The following ZNF20 variants were observed in gnomAD, a reference collection of about 807,000 sequenced individuals.
The protein encoded by ZNF20 is zinc finger protein KOX13.
A neutral mutation model predicts 11.0 loss-of-function variants in ZNF20; 9 were observed. That is an observed-to-expected ratio of 0.82 (90% confidence interval 0.49 to 1.43). The LOEUF is 1.43. Among genes scored for constraint, ZNF20 ranks in the 40% most tolerant of loss-of-function variants. The pLI is 0.00. For synonymous variants in ZNF20, 182 were observed against 213.0 expected (o/e 0.85, Z 1.27); for missense variants, 528 against 640.8 (o/e 0.82, Z 1.90).
Position 12,135,771 on chromosome 19 carries a change from A to T in ZNF20, c.137T>A (p.Val46Glu). 6.2e-7 allele frequency: 1 copy of T among 1,613,800 alleles called. No homozygotes were observed. Among genetic ancestry groups the T allele is most frequent in the Non-Finnish European group, 8.5e-7 (1 of 1,179,894 alleles). ...GGAAGTAATATTGTCATTCTTACCT[A>T]CAGAGGTCAGGTTCTTGAAGGTTTC... The part of the protein sequence containing the change: ...MQETFKNLTS[V>E]GKTWKVQNIE... The change falls in exon 2 of 4, where the codon GTA (valine) becomes GAA (glutamate). Residue 46 changes from valine (V) to glutamate (E), a missense_variant and splice_region_variant. Val to Glu is a moderately radical substitution (Grantham distance 121). Transcript: ENST00000334213.
chr19:12,133,498 T>C lies in ZNF20; in HGVS notation c.688A>G (p.Lys230Glu). Reference sequence around the variant, plus strand: ...CGAGTAAAGGCCTTACCACATTGTTTACACTTATATGGTTTCACACCAGTG... The same window carrying C: ...CGAGTAAAGGCCTTACCACATTGTTCACACTTATATGGTTTCACACCAGTG... ...IHTGVKPYKC[K>E]QCGKAFTRST... Residue 230 changes from lysine (K) to glutamate (E), a missense_variant, in exon 4 of 4, where the codon AAA (lysine) becomes GAA (glutamate). Lys to Glu is a moderately conservative substitution (Grantham distance 56, BLOSUM62 1). Transcript: ENST00000334213. 1.2e-6 allele frequency: 2 copies of C among 1,614,238 alleles called. No individual in the cohort carries two copies. The highest frequency in any genetic ancestry group is 1.7e-6 in the Non-Finnish European group (2 of 1,180,034).
chr19:12,133,032 T>A lies in ZNF20; in HGVS notation c.1154A>T (p.His385Leu). The change falls in exon 4 of 4, where the codon CAT becomes CTT. Residue 385 changes from histidine (H) to leucine (L), a missense_variant. By Grantham distance (99) the His-to-Leu change is moderately conservative (BLOSUM62 -3). Transcript: ENST00000334213. The stretch of plus-strand genomic sequence containing the variant: ...TTTCTCTCCACTGTGCGTCCTTTCA[T>A]GAATTTGAAGTTGTGAAGCACATCT... ...GFRCASQLQIHERTHSGEKPH... is the reference protein window; with the variant it reads ...GFRCASQLQILERTHSGEKPH... 6.2e-7 allele frequency: 1 copy of A among 1,614,148 alleles called. No homozygotes were observed. Among genetic ancestry groups the A allele is most frequent in the Non-Finnish European group, 8.5e-7 (1 of 1,179,960 alleles).
chr19:12,136,069 T>G (rs1214285678), intron 1 of ZNF20, 165 bp from the exon 2 acceptor site: 1 of 908,170 alleles, frequency 1.1e-6, no homozygotes, highest in Admixed American at 3.3e-5. Flanking sequence ...AAACCAACCC[T>G]TTTTTTGTTA....
Position 12,132,989 on chromosome 19 carries a change from T to G in ZNF20, c.1197A>C (p.Glu399Asp). Residue 399 changes from glutamate to aspartate, a missense_variant, in exon 4 of 4, where the codon GAA becomes GAC. By Grantham distance (45) the Glu-to-Asp change is conservative. Transcript: ENST00000334213. ...AAAAATACTTGAATACTTTTCCACATTCCTTACATTCATGGGGTTTCTCTC... is the reference window on the plus strand; with the variant it reads ...AAAAATACTTGAATACTTTTCCACAGTCCTTACATTCATGGGGTTTCTCTC... ...HSGEKPHECKECGKVFKYFSS... is the reference protein window; with the variant it reads ...HSGEKPHECKDCGKVFKYFSS... 6.2e-7 allele frequency: 1 copy of G among 1,614,046 alleles called. No homozygotes were observed.
intron 3 of ZNF20, among the ~76,000 whole-genome samples, chr19:12,134,794 A>T (rs544904621): frequency 1.3e-5 from 2 of 150,378 alleles, no homozygotes; most frequent in Admixed American, 1.3e-4. Flanking sequence ...GGGTATATAT[A>T]TTTTTTTAAA....
rs1459799269 is a variant in ZNF20 at position 12,140,280 on chromosome 19, G to A, written c.-98C>T. The A allele has an allele frequency of 1.3e-6, 2 of 1,490,578 alleles. No homozygotes were observed. The highest frequency in any genetic ancestry group is 1.2e-5 in the South Asian group (1 of 83,378). The allele number at this position is 1,490,578 out of a possible 1,614,324, so 92.3% of individuals were successfully genotyped here. On this transcript the variant is annotated 5_prime_UTR_variant, in exon 1 of 4. Transcript: ENST00000334213. ...AGAGCGACAGAAGTTGTGGCAGAGGGACCCGGGGCCTCTCGGAGTAGGAAA... is the reference window on the plus strand; with the variant it reads ...AGAGCGACAGAAGTTGTGGCAGAGGAACCCGGGGCCTCTCGGAGTAGGAAA...
Position 12,133,037 on chromosome 19 carries a change from T to G in ZNF20, c.1149A>C (p.Gln383His), listed in dbSNP as rs1204627241. The change falls in exon 4 of 4, where the codon CAA becomes CAC. Residue 383 changes from glutamine (Q) to histidine (H), a missense_variant. Coordinates refer to ENST00000334213, the MANE Select transcript of ZNF20 (RefSeq NM_021143.4). ...GKGFRCASQL[Q>H]IHERTHSGEK... is the part of the protein sequence containing the mutation. ...CTCCACTGTGCGTCCTTTCATGAAT[T>G]TGAAGTTGTGAAGCACATCTAAAGC... 1.2e-6 allele frequency: 2 copies of G among 1,614,114 alleles called. No homozygotes were observed. The highest frequency in any genetic ancestry group is 2.2e-5 in the South Asian group (2 of 91,082).
In ZNF20 at chr19:12,133,595, T is replaced by C; in HGVS notation, c.591A>G (p.Gly197=). The C allele has an allele frequency of 1.2e-6, 2 of 1,614,226 alleles. No individual in the cohort carries two copies. Among genetic ancestry groups the C allele is most frequent in the Non-Finnish European group, 8.5e-7 (1 of 1,180,044 alleles). ...TCCCACAAAACTTACATTTATAAGG[T>C]CCATCTCCACTGTGCATTACCCTGT... is the stretch of plus-strand genomic sequence containing the variant. ...QRHRVMHSGD[G]PYKCKFCGKA... The change falls in exon 4 of 4, where the codon GGA becomes GGG. Residue 197 remains glycine, a synonymous_variant. Coordinates refer to ENST00000334213, the MANE Select transcript of ZNF20 (RefSeq NM_021143.4).
At position 12,139,514 on chromosome 19, in the gene ZNF20, G is replaced by C. The variant is rs1409470446; in HGVS notation, c.3+666C>G. ...GGGCGTTTCTCACTCATGAATCGCT[G>C]TTTGCTCAAACTCTTTAAATTTTTT... On this transcript the variant is annotated intron_variant, in intron 1 of 3. Transcript: ENST00000334213. The surrounding 1 kb of genome is among the most constrained non-coding windows in gnomAD (Gnocchi z 4.0). 6.6e-6 allele frequency among the ~76,000 whole-genome samples: 1 copy of C among 151,450 alleles called. No homozygotes were observed. The highest frequency in any genetic ancestry group is 1.5e-5 in the Non-Finnish European group (1 of 67,892).
chr19:12,137,884 G>A (rs1385249895), intron 1 of ZNF20, among the ~76,000 whole-genome samples: 4 of 152,140 alleles, frequency 2.6e-5, no homozygotes, highest in Admixed American at 2.0e-4. Context: ...TGGGACTGGG[G>A]GAGAAAAACT....
chr19:12,139,379 C>A lies in ZNF20; in HGVS notation c.3+801G>T, dbSNP rs1043562755. The stretch of plus-strand genomic sequence containing the variant: ...CCCTTCATTCCTTCCTTGCTTTGTG[C>A]GTTTTGTCCAATTCTTTGTTCAAGA... On this transcript the variant is annotated intron_variant, in intron 1 of 3. Transcript: ENST00000334213. This position sits in a 1 kb window ranked among gnomAD's most constrained non-coding sequence, Gnocchi z 4.0. Among the ~76,000 whole-genome samples, 1 of 152,280 alleles carries A rather than the reference C, an allele frequency of 6.6e-6. No individual in the cohort carries two copies. The highest frequency in any genetic ancestry group is 2.4e-5 in the African/African-American group (1 of 41,564).
rs1455302096 is a variant in ZNF20, at chr19:12,133,172, G to C, written c.1014C>G (p.Pro338=). 1.9e-6 allele frequency: 3 copies of C among 1,613,660 alleles called. No homozygotes were observed. The highest frequency in any genetic ancestry group is 3.3e-5 in the Admixed American group (2 of 59,994). Residue 338 remains proline, a synonymous_variant, in exon 4 of 4, where the codon CCC becomes CCG. Coordinates refer to ENST00000334213, the MANE Select transcript of ZNF20 (RefSeq NM_021143.4). The part of the protein sequence containing the change: ...KHGRTHTGEK[P]YECRQCGKAF... The stretch of plus-strand genomic sequence containing the variant: ...CTTTACCACATTGCCTACATTCATA[G>C]GGTTTCTCTCCAGTGTGAGTCCTTC...
chr19:12,139,169 C>A lies in ZNF20; in HGVS notation c.3+1011G>T, dbSNP rs73002444. 6.6e-6 allele frequency among the ~76,000 whole-genome samples: 1 copy of A among 152,158 alleles called. No individual in the cohort carries two copies. Among genetic ancestry groups the A allele is most frequent in the East Asian group, 1.9e-4 (1 of 5,196 alleles). The stretch of plus-strand genomic sequence containing the variant: ...AAACTTCAGCTATGAAAGGAAATAC[C>A]TACTCCATAGGGCGTAAGCCAAGTA... On this transcript the variant is annotated intron_variant, in intron 1 of 3. Coordinates refer to ENST00000334213, the MANE Select transcript of ZNF20 (RefSeq NM_021143.4). The surrounding 1 kb of genome is among the most constrained non-coding windows in gnomAD (Gnocchi z 4.0).
intron 1 of ZNF20, 40 bp from the exon 2 acceptor site, chr19:12,135,944 T>C (rs1262614750): frequency 5.6e-6 from 9 of 1,605,358 alleles, no homozygotes; most frequent in Non-Finnish European, 7.6e-6. Flanking sequence ...CTAACAGCCC[T>C]GGAGGCCTAT....
Position 12,133,580 on chromosome 19 carries a change from C to T in ZNF20, c.606G>A (p.Lys202=). ...MHSGDGPYKC[K]FCGKAFYFLN... ...GAAAATAGAAGGCTTTCCCACAAAA[C>T]TTACATTTATAAGGTCCATCTCCAC... Residue 202 remains lysine (K), a synonymous_variant, in exon 4 of 4, where the codon AAG becomes AAA. Coordinates refer to ENST00000334213, the MANE Select transcript of ZNF20 (RefSeq NM_021143.4). 6.2e-7 allele frequency: 1 copy of T among 1,614,202 alleles called. No individual in the cohort carries two copies. Among genetic ancestry groups the T allele is most frequent in the Non-Finnish European group, 8.5e-7 (1 of 1,180,044 alleles).
At position 12,134,003 on chromosome 19, in the gene ZNF20, A is replaced by C. The variant is rs745891663; in HGVS notation, c.201-18T>G. On this transcript the variant is annotated intron_variant, in intron 3 of 3. Coordinates refer to ENST00000334213, the MANE Select transcript of ZNF20 (RefSeq NM_021143.4). ...TCATAAGACTTCAGTGAAAAATGAG[A>C]AGCACATTATTAACGGTTTGATTAA... 2.5e-6 allele frequency: 4 copies of C among 1,587,386 alleles called. No homozygotes were observed. In the South Asian group the frequency reaches 4.6e-5, roughly 18 times the overall value.
intron 1 of ZNF20, 128 bp downstream of exon 1, chr19:12,140,052 T>G (rs1976774981): frequency 1.6e-6 from 2 of 1,287,520 alleles, no homozygotes. Context: ...AGGGACGAGC[T>G]GAGACAGAGG....
rs762464148 is a variant in ZNF20 at position 12,135,844 on chromosome 19, C to T, written c.64G>A (p.Ala22Thr). 2 of 1,614,144 alleles carry T rather than the reference C, an allele frequency of 1.2e-6. No individual in the cohort carries two copies. Among genetic ancestry groups the T allele is most frequent in the Non-Finnish European group, 1.7e-6 (2 of 1,180,024 alleles). ...TTCTTCTGGGAAGGATCCAGCAAAG[C>T]CCACTCCTCCTGGGTGAAGCTGACA... ...VAVSFTQEEW[A>T]LLDPSQKNLY... Residue 22 changes from alanine (A) to threonine (T), a missense_variant, in exon 2 of 4, where the codon GCT becomes ACT. Transcript: ENST00000334213.
At position 12,133,547 on chromosome 19, in the gene ZNF20, T is replaced by A; in HGVS notation, c.639A>T (p.Leu213Phe). The change falls in exon 4 of 4, where the codon TTA (leucine) becomes TTT (phenylalanine). Residue 213 changes from leucine (L) to phenylalanine (F), a missense_variant. By Grantham distance (22) the Leu-to-Phe change is conservative (BLOSUM62 0). Transcript: ENST00000334213. ...TGTGAATTCGTTCATGGATAAGACA[T>A]AAATTGAGAAAATAGAAGGCTTTCC... ...FCGKAFYFLNLCLIHERIHTG... is the reference protein window; with the variant it reads ...FCGKAFYFLNFCLIHERIHTG... The A allele has an allele frequency of 6.2e-7, 1 of 1,614,198 alleles. No individual in the cohort carries two copies. The highest frequency in any genetic ancestry group is 8.5e-7 in the Non-Finnish European group (1 of 1,180,036).
Sources: gnomAD v4.1 joint callset for allele counts (sites outside exome capture counted in the v4.1 genomes callset) on GRCh38, gnomAD v4.1.1 for gene constraint, Gnocchi (gnomAD v3.1) non-coding constraint, MANE v1.5 for transcripts, NCBI Gene and HGNC (gene_info 2026-07-23, HGNC 2026-07-21) for gene names.